The following COL28A1 variants were observed in gnomAD, a reference collection of about 807,000 sequenced individuals.
COL28A1 encodes the protein collagen type XXVIII alpha 1 chain, also known as collagen alpha-1(XXVIII) chain.
COL28A1 carries 161 observed loss-of-function variants against 150.2 expected under a neutral mutation model. That is an observed-to-expected ratio of 1.07 (90% CI 0.94 to 1.22). The LOEUF (loss-of-function observed/expected upper bound fraction) is 1.22. COL28A1 is among the 50% of genes most tolerant of loss of function. COL28A1 has a pLI of 0.00. For synonymous variants in COL28A1, 552 were observed against 469.7 expected (o/e 1.18, Z -2.26); for missense variants, 1,617 against 1,388.3 (o/e 1.16, Z -2.62).
At chr7:7,441,767 T>C (rs1785809737) in intron 20 of COL28A1, among the ~76,000 whole-genome samples, 1 of 152,114 alleles carries the variant, frequency 6.6e-6, no homozygotes, top group Non-Finnish European at 1.5e-5. Context: ...GACCACACTT[T>C]GAGAATCATT....
At chr7:7,452,522 C>T in intron 17 of COL28A1, 135 bp from the exon 18 acceptor site, 1 of 1,303,270 alleles carries the variant, frequency 7.7e-7, no homozygotes. Flanking sequence ...CCTGAAATCC[C>T]TTCGGGGGAT....
In COL28A1 at chr7:7,358,623, A is replaced by G. The variant is rs1354920643; in HGVS notation, c.*10T>C. 3 of 1,613,476 alleles carry G rather than the reference A, an allele frequency of 1.9e-6. No individual in the cohort carries two copies. The highest frequency in any genetic ancestry group is 2.2e-5 in the South Asian group (2 of 90,968). On this transcript the variant is annotated 3_prime_UTR_variant, in exon 35 of 35. Coordinates refer to ENST00000399429, the MANE Select transcript of COL28A1 (RefSeq NM_001037763.3). ...CTATGCTTTTGATAGAGACAGGCCA[A>G]TTTACTTGCTCATCCTTGAATGCAG...
intron 13 of COL28A1, among the ~76,000 whole-genome samples, chr7:7,489,118 A>T (rs1004574864): frequency 6.6e-6 from 1 of 152,070 alleles, no homozygotes; most frequent in Non-Finnish European, 1.5e-5. Context: ...AAATACAAAA[A>T]ACATTAGCTG....
At chr7:7,378,167 T>G (rs538589797) in intron 30 of COL28A1, among the ~76,000 whole-genome samples, 1 of 152,194 alleles carries the variant, frequency 6.6e-6, no homozygotes, top group Non-Finnish European at 1.5e-5. Flanking sequence ...GAAATGCCAA[T>G]GTACAGTTGG....
chr7:7,515,559 G>T (rs754920270), intron 8 of COL28A1, among the ~76,000 whole-genome samples: 1 of 152,134 alleles, frequency 6.6e-6, no homozygotes, highest in Non-Finnish European at 1.5e-5. Context: ...ATAAATTGGG[G>T]TTCTCTATTA....
At chr7:7,460,177 G>A (rs952337946) in intron 15 of COL28A1, among the ~76,000 whole-genome samples, 1 of 152,148 alleles carries the variant, frequency 6.6e-6, no homozygotes, top group Admixed American at 6.5e-5. Flanking sequence ...GTCACTGTAG[G>A]TTCATCGTAT....
intron 33 of COL28A1, among the ~76,000 whole-genome samples, chr7:7,364,062 A>C (rs2128279819): frequency 6.6e-6 from 1 of 152,152 alleles, no homozygotes; most frequent in Middle Eastern, 3.4e-3. Context: ...CTTCCACCAC[A>C]GCCTAGGAAA....
At chr7:7,454,578 GAAC>G (rs370834399) in intron 16 of COL28A1, among the ~76,000 whole-genome samples, 11 of 152,072 alleles carry the variant, frequency 7.2e-5, no homozygotes, top group African/African-American at 2.7e-4. Flanking sequence ...CCAAGCTGAA[GAAC>G]AACAACCTCC....
At chr7:7,419,836 T>A (rs758616779) in intron 26 of COL28A1, 49 bp downstream of exon 26, 1 of 1,232,756 alleles carries the variant, frequency 8.1e-7, no homozygotes, top group Admixed American at 2.6e-5. Context: ...CACTTGTTTG[T>A]CACTGATGAT....
At chr7:7,354,029 A>T (rs1052446927), downstream of COL28A1, among the ~76,000 whole-genome samples, 9 of 148,592 alleles carry the variant, frequency 6.1e-5, no homozygotes, top group Admixed American at 2.0e-4. Context: ...AGAAAAAAAA[A>T]TTTTTTTTTT....
intron 30 of COL28A1, among the ~76,000 whole-genome samples, chr7:7,379,698 C>G (rs981224651): frequency 1.3e-5 from 2 of 152,206 alleles, no homozygotes; most frequent in Non-Finnish European, 2.9e-5. Flanking sequence ...AAACCAGTCC[C>G]TCTCCCCACG....
chr7:7,417,546 G>T, intron 27 of COL28A1: 1 of 85,614 alleles, frequency 1.2e-5, no homozygotes, highest in Non-Finnish European at 1.9e-5. Flanking sequence ...GGGAGGGGGG[G>T]GGGAGAGAGA....
chr7:7,524,685 A>G (rs1172573411), intron 3 of COL28A1, among the ~76,000 whole-genome samples: 1 of 152,088 alleles, frequency 6.6e-6, no homozygotes, highest in African/African-American at 2.4e-5. Context: ...TTCATGATTT[A>G]TTTTTCAAGA....
At chr7:7,465,025 T>G (rs1427120945) in intron 15 of COL28A1, among the ~76,000 whole-genome samples, 1 of 152,118 alleles carries the variant, frequency 6.6e-6, no homozygotes, top group Non-Finnish European at 1.5e-5. Context: ...AAGGCTACTA[T>G]GAACACCTTT....
intron 25 of COL28A1, chr7:7,431,605 G>A (rs1242270883): frequency 1.3e-5 from 6 of 471,026 alleles, no homozygotes; most frequent in East Asian, 6.9e-5. Flanking sequence ...AGCTGCAGTC[G>A]GGGCATGAAG....
At chr7:7,438,181 C>T (rs935525430) in intron 21 of COL28A1, among the ~76,000 whole-genome samples, 5 of 152,140 alleles carry the variant, frequency 3.3e-5, no homozygotes, top group South Asian at 2.1e-4. Context: ...AAACCCTGGA[C>T]GCAGAGGTTG....
At chr7:7,470,956 T>C (rs934028397) in intron 15 of COL28A1, among the ~76,000 whole-genome samples, 1 of 92,628 alleles carries the variant, frequency 1.1e-5, no homozygotes, top group Non-Finnish European at 2.0e-5. Context: ...CTCTGGGGAC[T>C]GTGGTGGGGT....
upstream of COL28A1, among the ~76,000 whole-genome samples, chr7:7,539,397 A>G (rs1286661224): frequency 6.6e-6 from 1 of 152,156 alleles, no homozygotes; most frequent in Non-Finnish European, 1.5e-5. Context: ...CCAGGAACTA[A>G]TACAGAGAGA....
Position 7,375,462 on chromosome 7 carries a change from A to G in COL28A1, c.2358T>C (p.Cys786=). ...GTTTTTTCCTTGATCAAATCTTACC[A>G]CATATTTCTGTAATAAGTTTGATAA... ...EEIIKLITEI[C]GCGPKCKETP... is the part of the protein sequence containing the mutation. Residue 786 remains cysteine (C), a splice_region_variant and synonymous_variant, in exon 31 of 35, where the codon TGT becomes TGC. Coordinates refer to ENST00000399429, the MANE Select transcript of COL28A1 (RefSeq NM_001037763.3). 4 of 1,576,224 alleles carry G rather than the reference A, an allele frequency of 2.5e-6. No homozygotes were observed. The highest frequency in any genetic ancestry group is 3.5e-6 in the Non-Finnish European group (4 of 1,152,676).
Sources: allele counts gnomAD v4.1 joint callset (sites outside exome capture counted in the v4.1 genomes callset), GRCh38; gene constraint gnomAD v4.1.1; transcripts MANE v1.5; gene names NCBI Gene and HGNC (gene_info 2026-07-23, HGNC 2026-07-21).